DNAH1: variants seen among roughly 807,000 people sequenced by gnomAD.
The protein encoded by DNAH1 is axonemal beta dynein heavy chain 1.
In DNAH1, 327 loss-of-function variants were observed where a neutral mutation model predicts 484.3. The observed-to-expected ratio is 0.68, with a 90% CI of 0.62 to 0.74. The LOEUF (loss-of-function observed/expected upper bound fraction) is 0.74. DNAH1 is among the 30% of genes least tolerant of loss of function. The pLI is 0.00. For synonymous variants in DNAH1, 2,192 were observed against 2,191.9 expected (o/e 1.00, Z 0.00); for missense variants, 5,052 against 5,546.8 (o/e 0.91, Z 2.83).
At position 52,316,411 on chromosome 3, in the gene DNAH1, A is replaced by G. The variant is rs997419797; in HGVS notation, c.-169A>G. 6.6e-6 allele frequency: 1 copy of G among 152,332 alleles called. No homozygotes were observed. The highest frequency in any genetic ancestry group is 2.4e-5 in the African/African-American group (1 of 41,452). 9.4% of individuals were successfully genotyped at this position (152,332 alleles called of 1,614,324 possible). A position where few individuals can be genotyped will look rare whatever the true frequency, so the allele number is the denominator to read the frequency against. On this transcript the variant is annotated 5_prime_UTR_variant, in exon 1 of 78. Transcript: ENST00000420323. ...CTTGTCCCTTCTAAGAGCTGTGGAC[A>G]CCTTGCCTCCAGTTCCCCTCACAGT... is the stretch of plus-strand genomic sequence containing the variant.
At chr3:52,390,309 T>A (rs1704316147) in intron 60 of DNAH1, among the ~76,000 whole-genome samples, 1 of 151,898 alleles carries the variant, frequency 6.6e-6, no homozygotes. Flanking sequence ...TACTAAAAAT[T>A]CAAAAATTAA....
At chr3:52,377,770 G>C (rs891982081) in intron 46 of DNAH1, among the ~76,000 whole-genome samples, 13 of 151,682 alleles carry the variant, frequency 8.6e-5, no homozygotes, top group Non-Finnish European at 7.4e-5. Flanking sequence ...CTTCCTCAGT[G>C]AGGCCTCCCC....
chr3:52,375,491 CCA>C, intron 45 of DNAH1, 78 bp downstream of exon 45: 1 of 1,517,704 alleles, frequency 6.6e-7, no homozygotes, highest in Non-Finnish European at 8.9e-7. Context: ...AACTGGGTGG[CCA>C]CCAGAAAGGG....
At chr3:52,322,850 T>C (rs1039772940) in intron 2 of DNAH1, 75 bp downstream of exon 2, 14 of 1,261,994 alleles carry the variant, frequency 1.1e-5, no homozygotes, top group Non-Finnish European at 1.5e-5. Flanking sequence ...TTCATCCTTC[T>C]CCCCATCAGT....
chr3:52,366,311 G>A (rs1378992116), intron 34 of DNAH1, 146 bp from the exon 35 acceptor site: 17 of 645,602 alleles, frequency 2.6e-5, no homozygotes, highest in Admixed American at 8.3e-5. Flanking sequence ...TGCCTATGAT[G>A]TAGGTGCTAC....
At chr3:52,377,331 G>A (rs1703646953) in intron 46 of DNAH1, among the ~76,000 whole-genome samples, 1 of 151,936 alleles carries the variant, frequency 6.6e-6, no homozygotes, top group African/African-American at 2.4e-5. Flanking sequence ...CACCTGTCAG[G>A]AGGTCCCATA....
intron 44 of DNAH1, among the ~76,000 whole-genome samples, chr3:52,373,366 C>T (rs538227980): frequency 1.6e-3 from 249 of 152,238 alleles, no homozygotes; most frequent in African/African-American, 5.6e-3. Context: ...GGGCAGGAAG[C>T]GGCAAGGGCG....
In DNAH1 at chr3:52,370,547, C is replaced by G. The variant is rs759582396; in HGVS notation, c.6329C>G (p.Ser2110Cys). The change falls in exon 40 of 78, where the codon TCC (serine) becomes TGC (cysteine). Residue 2110 changes from serine to cysteine, a missense_variant. By Grantham distance (112) the Ser-to-Cys change is moderately radical (BLOSUM62 -1). Around this residue, in one of 4 missense-constraint regions of DNAH1, gnomAD observed 2,929 missense variants for 3,409.4 expected, o/e 0.86. Transcript: ENST00000420323. Reference protein sequence around the residue: ...VELIEPWFIFSLIWSVGATGD... With the variant: ...VELIEPWFIFCLIWSVGATGD... ...TTGATCGAGCCCTGGTTCATCTTCT[C>G]CCTGATCTGGAGCGTGGGTGCCACT... 2 of 1,613,976 alleles carry G rather than the reference C, an allele frequency of 1.2e-6. No homozygotes were observed. Among genetic ancestry groups the G allele is most frequent in the Admixed American group, 1.7e-5 (1 of 60,018 alleles).
chr3:52,324,077 C>G (rs1446479213), intron 3 of DNAH1, among the ~76,000 whole-genome samples, 197 bp downstream of exon 3: 1 of 152,188 alleles, frequency 6.6e-6, no homozygotes, highest in African/African-American at 2.4e-5. Context: ...CGAGTCATTA[C>G]TCTTAGTGGA....
chr3:52,393,256 C>A, intron 65 of DNAH1, 78 bp from the exon 66 acceptor site: 1 of 1,589,154 alleles, frequency 6.3e-7, no homozygotes, highest in Non-Finnish European at 8.6e-7. Flanking sequence ...GCTGGGGAGA[C>A]TGGCTAGGCT....
rs1168375342 is a variant in DNAH1, at chr3:52,345,770, G to T, written c.1656+64G>T. 2.0e-6 allele frequency: 3 copies of T among 1,514,848 alleles called. No individual in the cohort carries two copies. In the African/African-American group the frequency reaches 4.1e-5, roughly 21 times the overall value. 93.8% of individuals were successfully genotyped at this position (1,514,848 alleles called of 1,614,324 possible). A position where few individuals can be genotyped will look rare whatever the true frequency, so the allele number is the denominator to read the frequency against. ...CAGACCCTTGGAACTGGCAGGCACA[G>T]GTCGGGGCTGCAGCGGAAGGCCAGG... On this transcript the variant is annotated intron_variant, in intron 10 of 77. Transcript: ENST00000420323.
intron 1 of DNAH1, among the ~76,000 whole-genome samples, 179 bp downstream of exon 1, chr3:52,316,724 G>T (rs940334007): frequency 6.6e-6 from 1 of 152,164 alleles, no homozygotes; most frequent in African/African-American, 2.4e-5. Flanking sequence ...TGGGGATAGG[G>T]TCCAGTTCAG....
rs753358571 is a variant in DNAH1 at position 52,326,222 on chromosome 3, G to A, written c.489G>A (p.Gln163=). 5.0e-6 allele frequency: 8 copies of A among 1,613,252 alleles called. No individual in the cohort carries two copies. The highest frequency in any genetic ancestry group is 5.9e-6 in the Non-Finnish European group (7 of 1,179,666). The change falls in exon 4 of 78, where the codon CAG becomes CAA. Residue 163 remains glutamine (Q), a synonymous_variant. Coordinates refer to ENST00000420323, the MANE Select transcript of DNAH1 (RefSeq NM_015512.5). ...GGTCCACCACCCGGCTGCTCGCCCA[G>A]ACTGACTTCCCACTGCAGGCCTACG... ...CIGSTTRLLA[Q]TDFPLQAYEP... is the part of the protein sequence containing the mutation.
chr3:52,376,044 G>C, intron 46 of DNAH1, 51 bp downstream of exon 46: 1 of 1,601,502 alleles, frequency 6.2e-7, no homozygotes, highest in Non-Finnish European at 8.5e-7. Flanking sequence ...GAGGAGCCCT[G>C]GGCTCTGGTT....
At chr3:52,326,926 G>A in intron 5 of DNAH1, 35 bp downstream of exon 5, 1 of 1,599,538 alleles carries the variant, frequency 6.3e-7, no homozygotes, top group Non-Finnish European at 8.5e-7. Context: ...TGAGAGACAG[G>A]GGCAGAAGTG....
chr3:52,393,439 T>C lies in DNAH1; in HGVS notation c.10580T>C (p.Phe3527Ser). ...GAGAAGCACAAGCTGATGTTTGCCTTCCTGCTGTGTGTTCGCATCATGATG... is the reference window on the plus strand; with the variant it reads ...GAGAAGCACAAGCTGATGTTTGCCTCCCTGCTGTGTGTTCGCATCATGATG... ...LFEKHKLMFA[F>S]LLCVRIMMNE... is the part of the protein sequence containing the mutation. The change falls in exon 66 of 78, where the codon TTC becomes TCC. Residue 3527 changes from phenylalanine (F) to serine (S), a missense_variant. By Grantham distance (155) the Phe-to-Ser change is radical. This residue lies in a region of DNAH1 where 2,929 missense variants were observed against 3,409.4 expected (regional missense o/e 0.86). Transcript: ENST00000420323. 6.2e-7 allele frequency: 1 copy of C among 1,614,040 alleles called. No individual in the cohort carries two copies. The highest frequency in any genetic ancestry group is 8.5e-7 in the Non-Finnish European group (1 of 1,179,888).
chr3:52,396,430 C>T lies in DNAH1; in HGVS notation c.11322C>T (p.Ile3774=). Residue 3774 remains isoleucine (I), a synonymous_variant, in exon 71 of 78, where the codon ATC becomes ATT. Transcript: ENST00000420323. ...CCAGCAACAAGTTCCCAGTGTCCAT[C>T]CTGCAGAACGGCTCCAAGATGACCA... ...SLPSNKFPVS[I]LQNGSKMTIE... is the part of the protein sequence containing the mutation. 1 of 1,592,404 alleles carries T rather than the reference C, an allele frequency of 6.3e-7. No individual in the cohort carries two copies. Among genetic ancestry groups the T allele is most frequent in the Non-Finnish European group, 8.5e-7 (1 of 1,169,806 alleles).
rs1053683356 is a variant in DNAH1, at chr3:52,361,857, A to G, written c.4980+91A>G. ...ATTGCAGGCTGAGAAGCCAGGCGCT[A>G]AGGTCCACCCTGGGTCCAGCCTCTC... is the stretch of plus-strand genomic sequence containing the variant. On this transcript the variant is annotated intron_variant, in intron 30 of 77. Transcript: ENST00000420323. The surrounding 1 kb of genome is among the most constrained non-coding windows in gnomAD (Gnocchi z 5.6). 21 of 1,361,264 alleles carry G rather than the reference A, an allele frequency of 1.5e-5. No individual in the cohort carries two copies. Among genetic ancestry groups the G allele is most frequent in the Non-Finnish European group, 2.1e-5 (21 of 990,072 alleles). The allele number at this position is 1,361,264 out of a possible 1,614,324, so 84.3% of individuals were successfully genotyped here. A position where few individuals can be genotyped will look rare whatever the true frequency, so the allele number is the denominator to read the frequency against.
At chr3:52,382,800 T>C (rs554053298) in intron 50 of DNAH1, among the ~76,000 whole-genome samples, 1 of 152,362 alleles carries the variant, frequency 6.6e-6, no homozygotes, top group East Asian at 1.9e-4. Context: ...CTGCTCCCTC[T>C]TGGGATGGCA....
Sources: allele counts gnomAD v4.1 joint callset (sites outside exome capture counted in the v4.1 genomes callset), GRCh38; gene constraint gnomAD v4.1.1; regional missense constraint gnomAD v4.1.1; non-coding constraint Gnocchi (gnomAD v3.1); transcripts MANE v1.5; gene names NCBI Gene and HGNC (gene_info 2026-07-23, HGNC 2026-07-21).